Variants in DENND2A observed in about 807,000 individuals in gnomAD.
DENND2A encodes DENN domain containing 2A, also known as DENN domain-containing protein 2A.
A neutral mutation model predicts 105.3 loss-of-function variants in DENND2A; 53 were observed. The ratio of observed to expected loss-of-function variants is 0.50; its 90% CI spans 0.40 to 0.63. DENND2A has a LOEUF of 0.63. Among genes scored for constraint, DENND2A ranks in the 30% least tolerant of loss-of-function variants. The probability of loss-of-function intolerance (pLI) is 0.00; values close to 1 mark genes in which losing one functional copy is unlikely to be tolerated. For missense variants in DENND2A, 1,138 were observed against 1,279.6 expected (o/e 0.89, Z 1.69); for synonymous variants, 522 against 508.4 (o/e 1.03, Z -0.36).
chr7:140,611,352 C>A (rs532337139), intron 1 of DENND2A, among the ~76,000 whole-genome samples: 1 of 152,098 alleles, frequency 6.6e-6, no homozygotes, highest in African/African-American at 2.4e-5. Context: ...GGCAACATTG[C>A]AAGAACCCAT....
At chr7:140,525,505 A>T (rs9718814) in intron 16 of DENND2A, among the ~76,000 whole-genome samples, 9,271 of 152,204 alleles carry the variant, frequency 0.061, 923 homozygotes, top group African/African-American at 0.21. Flanking sequence ...ATTACAAAGA[A>T]TCTTTTTCTA....
Position 140,556,402 on chromosome 7 carries a change from G to A in DENND2A, c.1960-689C>T, listed in dbSNP as rs140335722. Among the ~76,000 whole-genome samples, 694 of 152,088 alleles carry A rather than the reference G, an allele frequency of 4.6e-3. 5 individuals carry two copies. Among genetic ancestry groups the A allele is most frequent in the African/African-American group, 0.016 (675 of 41,466 alleles). ...TGTCCAGACTGGAGTGCAGCGACGC[G>A]ATCTCAGCTCACTGCACCCTCCACT... is the stretch of plus-strand genomic sequence containing the variant. On this transcript the variant is annotated intron_variant, in intron 11 of 19. Coordinates refer to ENST00000496613, the MANE Select transcript of DENND2A (RefSeq NM_015689.5).
intron 1 of DENND2A, among the ~76,000 whole-genome samples, chr7:140,632,489 C>T (rs1010178604): frequency 6.6e-6 from 1 of 152,190 alleles, no homozygotes; most frequent in Admixed American, 6.6e-5. Flanking sequence ...CCTTTACCAG[C>T]GTGGCCACAA....
In DENND2A at chr7:140,546,339, A is replaced by G. The variant is rs149342760; in HGVS notation, c.2178+460T>C. ...AGGCTGAGGCAACAGAATAGCTTGA[A>G]CCTGGGAGGCAGAGGTTGCAGTGAG... On this transcript the variant is annotated intron_variant, in intron 13 of 19. Transcript: ENST00000496613. Among the ~76,000 whole-genome samples, 1,279 of 152,022 alleles carry G rather than the reference A, an allele frequency of 8.4e-3. 20 individuals are homozygous for G. Among genetic ancestry groups the G allele is most frequent in the African/African-American group, 0.03 (1,231 of 41,456 alleles).
chr7:140,601,324 A>C (rs1799474250), intron 3 of DENND2A, 79 bp downstream of exon 3: 12 of 1,498,570 alleles, frequency 8.0e-6, no homozygotes, highest in Non-Finnish European at 1.1e-5. Flanking sequence ...AATTCAGCTG[A>C]GAACAGACGG....
intron 9 of DENND2A, 31 bp downstream of exon 9, chr7:140,567,055 G>A (rs1330664305): frequency 6.5e-7 from 1 of 1,531,568 alleles, no homozygotes; most frequent in Non-Finnish European, 8.8e-7. Flanking sequence ...TAGAACCCTG[G>A]CAGGCCACAG....
intron 14 of DENND2A, among the ~76,000 whole-genome samples, chr7:140,533,912 G>C (rs6951170): frequency 2.6e-5 from 4 of 151,492 alleles, no homozygotes; most frequent in African/African-American, 9.7e-5. Flanking sequence ...TGTAGCCCTC[G>C]TCAACGTTTT....
chr7:140,598,277 T>G (rs1475965694), intron 3 of DENND2A, among the ~76,000 whole-genome samples: 1 of 152,222 alleles, frequency 6.6e-6, no homozygotes, highest in Non-Finnish European at 1.5e-5. Flanking sequence ...TCTCTAGTCC[T>G]AATTTTTAAA....
Position 140,559,967 on chromosome 7 carries a change from G to A in DENND2A, c.1780-150C>T, listed in dbSNP as rs1797548318. ...TTGGGAAGAGCTTGCAGCTCAGTCGGCTGGGGCATTTTCCCCCCAGTGCAC... is the reference window on the plus strand; with the variant it reads ...TTGGGAAGAGCTTGCAGCTCAGTCGACTGGGGCATTTTCCCCCCAGTGCAC... On this transcript the variant is annotated intron_variant, in intron 9 of 19. Coordinates refer to ENST00000496613, the MANE Select transcript of DENND2A (RefSeq NM_015689.5). The surrounding 1 kb of genome is among the most constrained non-coding windows in gnomAD (Gnocchi z 4.1). 5 of 687,198 alleles carry A rather than the reference G, an allele frequency of 7.3e-6. No individual in the cohort carries two copies. The South Asian group carries it at 7.9e-5, about 11-fold the overall frequency. The allele number at this position is 687,198 out of a possible 1,614,324, so 42.6% of individuals were successfully genotyped here. A position where few individuals can be genotyped will look rare whatever the true frequency, so the allele number is the denominator to read the frequency against.
intron 6 of DENND2A, among the ~76,000 whole-genome samples, chr7:140,572,259 G>A (rs1169100985): frequency 6.6e-6 from 1 of 151,610 alleles, no homozygotes; most frequent in Non-Finnish European, 1.5e-5. Context: ...CTCCTATCTT[G>A]GCCTCCCAAA....
chr7:140,563,754 G>A (rs1425420003), intron 9 of DENND2A, among the ~76,000 whole-genome samples: 3 of 145,116 alleles, frequency 2.1e-5, no homozygotes, highest in African/African-American at 5.1e-5. Context: ...TAGGGAGATC[G>A]CTTGAGCTCA....
chr7:140,574,155 A>G (rs1798207371), intron 5 of DENND2A, 147 bp from the exon 6 acceptor site: 1 of 800,964 alleles, frequency 1.2e-6, no homozygotes, highest in Admixed American at 2.4e-5. Context: ...TTATGCCAGT[A>G]AGTGTTCAAT....
chr7:140,611,230 AG>A (rs1228676223), intron 1 of DENND2A, among the ~76,000 whole-genome samples: 3 of 152,020 alleles, frequency 2.0e-5, no homozygotes, highest in Non-Finnish European at 4.4e-5. Context: ...TAAAGCAAGA[AG>A]TGATTTAAAT....
chr7:140,550,395 T>C (rs926728635), intron 12 of DENND2A, among the ~76,000 whole-genome samples: 4 of 152,162 alleles, frequency 2.6e-5, no homozygotes, highest in African/African-American at 4.8e-5. Context: ...TTCGCTGTTG[T>C]TGCCCAGGCT....
chr7:140,600,940 T>A (rs1317356237), intron 3 of DENND2A, among the ~76,000 whole-genome samples: 1 of 152,224 alleles, frequency 6.6e-6, no homozygotes, highest in Non-Finnish European at 1.5e-5. Context: ...CATCCATATG[T>A]ATAAATGAGG....
At chr7:140,599,721 C>A (rs1398749813) in intron 3 of DENND2A, among the ~76,000 whole-genome samples, 1 of 151,566 alleles carries the variant, frequency 6.6e-6, no homozygotes, top group African/African-American at 2.4e-5. Context: ...TAAATAAATT[C>A]TAGAATATGC....
intron 9 of DENND2A, among the ~76,000 whole-genome samples, chr7:140,560,891 A>G (rs1411153766): frequency 1.3e-5 from 2 of 152,044 alleles, no homozygotes; most frequent in Non-Finnish European, 2.9e-5. Context: ...CCGAGAGCAT[A>G]CCACTGCACT....
chr7:140,640,918 C>T (rs1801180814), upstream of DENND2A: 1 of 152,100 alleles, frequency 6.6e-6, no homozygotes, highest in Non-Finnish European at 1.5e-5. The surrounding 1 kb of genome is among the most constrained non-coding windows in gnomAD (Gnocchi z 4.9). Flanking sequence ...CTCCCAGGGC[C>T]CGGCCCCGCG....
chr7:140,535,055 C>T (rs184663686), intron 14 of DENND2A, among the ~76,000 whole-genome samples: 1 of 152,278 alleles, frequency 6.6e-6, no homozygotes, highest in Admixed American at 6.5e-5. Context: ...TGGTTGCTAC[C>T]AAGCCTCTGC....
Sources: gnomAD v4.1 joint callset for allele counts (sites outside exome capture counted in the v4.1 genomes callset) on GRCh38, gnomAD v4.1.1 for gene constraint, Gnocchi (gnomAD v3.1) non-coding constraint, MANE v1.5 for transcripts, NCBI Gene and HGNC (gene_info 2026-07-23, HGNC 2026-07-21) for gene names.